The following RPTOR variants were observed in gnomAD, a reference collection of about 807,000 sequenced individuals.
The protein encoded by RPTOR is regulatory associated protein of MTOR complex 1, also known as regulatory-associated protein of mTOR.
RPTOR carries 21 observed loss-of-function variants against 169.9 expected under a neutral mutation model. The observed-to-expected ratio is 0.12, with a 90% confidence interval of 0.09 to 0.18. The LOEUF (loss-of-function observed/expected upper bound fraction) is 0.18, where lower values mean the gene tolerates loss of function less well. RPTOR is among the 10% of genes least tolerant of loss of function. RPTOR has a pLI of 1.00. For missense variants in RPTOR, 1,133 were observed against 1,855.9 expected, an observed-to-expected ratio of 0.61 and a Z score of 7.16; for synonymous variants, 732 against 753.2, an observed-to-expected ratio of 0.97 and a Z score of 0.46.
intron 21 of RPTOR, among the ~76,000 whole-genome samples, chr17:80,913,251 C>T (rs750065119): frequency 2.0e-5 from 3 of 152,188 alleles, no homozygotes; most frequent in Admixed American, 6.5e-5. Context: ...TCTAAAACAG[C>T]CTTATTACTA....
intron 9 of RPTOR, among the ~76,000 whole-genome samples, chr17:80,828,949 T>C (rs1207958049): frequency 3.3e-5 from 5 of 152,234 alleles, no homozygotes; most frequent in African/African-American, 1.2e-4. Context: ...GCAATATAGT[T>C]AATATCTATG....
chr17:80,611,154 C>T (rs2065267653), intron 1 of RPTOR, among the ~76,000 whole-genome samples: 1 of 152,186 alleles, frequency 6.6e-6, no homozygotes, highest in Non-Finnish European at 1.5e-5. Flanking sequence ...GAACACCTCA[C>T]ACTCACCACT....
intron 3 of RPTOR, among the ~76,000 whole-genome samples, chr17:80,664,486 T>C (rs1375034367): frequency 6.6e-6 from 1 of 152,106 alleles, no homozygotes; most frequent in Non-Finnish European, 1.5e-5. Flanking sequence ...CCCCTTCTCC[T>C]TCTCCTCCTT....
intron 7 of RPTOR, among the ~76,000 whole-genome samples, chr17:80,795,953 G>A (rs2067097274): frequency 6.6e-6 from 1 of 152,200 alleles, no homozygotes. Flanking sequence ...CTGTAGTTCT[G>A]TAAGCGTCTC....
At chr17:80,586,654 C>T (rs929246199) in intron 1 of RPTOR, among the ~76,000 whole-genome samples, 6 of 152,150 alleles carry the variant, frequency 3.9e-5, no homozygotes, top group Admixed American at 3.9e-4. Flanking sequence ...AGCTGCCAGG[C>T]GGGAACTGAA....
intron 5 of RPTOR, among the ~76,000 whole-genome samples, chr17:80,744,569 G>GCACAGCCCTGGCTACT (rs2066544118): frequency 9.0e-4 from 2 of 2,230 alleles, no homozygotes; most frequent in Non-Finnish European, 2.6e-3. Flanking sequence ...TCCTGGTTAC[G>GCACAGCCCTGGCTACT]AGCACAGCCC....
rs772052060 is a variant in RPTOR, at chr17:80,923,482, A to G, written c.2625-8A>G. The G allele has an allele frequency of 1.9e-6, 3 of 1,613,720 alleles. No homozygotes were observed. The highest frequency in any genetic ancestry group is 1.7e-6 in the Non-Finnish European group (2 of 1,179,960). On this transcript the variant is annotated splice_region_variant and splice_polypyrimidine_tract_variant and intron_variant, in intron 22 of 33. Transcript: ENST00000306801. The stretch of plus-strand genomic sequence containing the variant: ...AGGATGCAGTGTTTGTTTTTCTTCC[A>G]ATGGCAGGGGCTCCCCTCCGGCGTC...
chr17:80,918,445 A>ATAGCCACGAGCACCCTCGCGGGG (rs2068701862), intron 21 of RPTOR, among the ~76,000 whole-genome samples: 6 of 84,392 alleles, frequency 7.1e-5, no homozygotes, highest in African/African-American at 2.0e-4. Context: ...CCCTCGCCGG[A>ATAGCCACGAGCACCCTCGCGGGG]GTCATAGCCA....
At chr17:80,750,982 A>G (rs2066624797) in intron 5 of RPTOR, among the ~76,000 whole-genome samples, 1 of 152,130 alleles carries the variant, frequency 6.6e-6, no homozygotes, top group East Asian at 1.9e-4. Context: ...TATATTTATT[A>G]TTAAGTATAT....
chr17:80,815,773 A>G (rs1204957942), intron 7 of RPTOR, among the ~76,000 whole-genome samples: 1 of 152,268 alleles, frequency 6.6e-6, no homozygotes, highest in Non-Finnish European at 1.5e-5. Context: ...CTCAGCTGTC[A>G]TCCTGTGCTG....
chr17:80,917,136 T>C (rs557146708), intron 21 of RPTOR, among the ~76,000 whole-genome samples: 1 of 147,592 alleles, frequency 6.8e-6, no homozygotes, highest in African/African-American at 2.5e-5. Context: ...TTTTTGAGAC[T>C]GAGTCTCACT....
At chr17:80,743,146 C>G (rs2066501584) in intron 5 of RPTOR, 2 of 818,260 alleles carry the variant, frequency 2.4e-6, no homozygotes, top group Non-Finnish European at 3.0e-6. Flanking sequence ...TTTCCCTCTC[C>G]TCCTTGTTAA....
At position 80,919,753 on chromosome 17, in the gene RPTOR, C is replaced by T. The variant is rs555148710; in HGVS notation, c.2521-2971C>T. On this transcript the variant is annotated intron_variant, in intron 21 of 33. Transcript: ENST00000306801. ...CTGAGCATTCGACTGTTAGCAAAGT[C>T]GTATCTGCCACCACCGAAGGTTGGC... Among the ~76,000 whole-genome samples, 7 of 152,304 alleles carry T rather than the reference C, an allele frequency of 4.6e-5. No individual in the cohort carries two copies. The East Asian group carries it at 1.4e-3, about 29-fold the overall frequency.
intron 3 of RPTOR, among the ~76,000 whole-genome samples, chr17:80,668,459 C>T (rs1309963385): frequency 6.6e-6 from 1 of 152,230 alleles, no homozygotes; most frequent in Non-Finnish European, 1.5e-5. Flanking sequence ...CCTGTCCCCT[C>T]AGCATGCACT....
chr17:80,757,977 T>G (rs2066698002), intron 6 of RPTOR, among the ~76,000 whole-genome samples: 2 of 152,204 alleles, frequency 1.3e-5, no homozygotes, highest in African/African-American at 4.8e-5. Flanking sequence ...AGGAAGAGAT[T>G]GGTCCACCTG....
At chr17:80,758,823 T>C (rs141475792) in intron 6 of RPTOR, among the ~76,000 whole-genome samples, 1 of 152,110 alleles carries the variant, frequency 6.6e-6, no homozygotes, top group Non-Finnish European at 1.5e-5. Flanking sequence ...TGGGGCATTT[T>C]TGCAAGTTTT....
At position 80,961,446 on chromosome 17, in the gene RPTOR, C is replaced by A. The variant is rs1490513109; in HGVS notation, c.3658C>A (p.Gln1220Lys). The A allele has an allele frequency of 4.5e-5, 70 of 1,551,428 alleles. No homozygotes were observed. The highest frequency in any genetic ancestry group is 6.1e-5 in the Non-Finnish European group (70 of 1,147,800). Residue 1220 changes from glutamine to lysine, a missense_variant, in exon 31 of 34, where the codon CAG (glutamine) becomes AAG (lysine). Transcript: ENST00000306801. ...HTAWVVKASL[Q>K]KRPDGHIVSV... ...AGCCTGGGTGGTGAAGGCCTCCCTG[C>A]AGAAGCGTCCCGACGGCCACATCGT...
intron 33 of RPTOR, 60 bp from the exon 34 acceptor site, chr17:80,964,202 C>CCCCCCCCCCCCTGTCA: frequency 8.2e-7 from 1 of 1,224,846 alleles, no homozygotes; most frequent in Non-Finnish European, 1.2e-6. Context: ...TGCGCCCCCC[C>CCCCCCCCCCCCTGTCA]GCCCCCCGCA....
chr17:80,669,447 C>T (rs551972225), intron 3 of RPTOR, among the ~76,000 whole-genome samples: 103 of 152,312 alleles, frequency 6.8e-4, no homozygotes, highest in Admixed American at 1.1e-3. Context: ...TGCAGTGGCG[C>T]GATCTCAGCT....
Sources: allele counts gnomAD v4.1 joint callset (sites outside exome capture counted in the v4.1 genomes callset), GRCh38; gene constraint gnomAD v4.1.1; transcripts MANE v1.5; gene names NCBI Gene and HGNC (gene_info 2026-07-23, HGNC 2026-07-21).